Variants in MKX observed in about 807,000 individuals in gnomAD.
MKX encodes the protein homeobox protein Mohawk.
Under a neutral mutation model 36.0 loss-of-function variants are expected in MKX, and 13 were observed. The observed-to-expected ratio is 0.36, with a 90% confidence interval of 0.24 to 0.57. MKX has a LOEUF of 0.57. Ranked by LOEUF, MKX falls within the 20% of genes least tolerant of loss-of-function variation. The pLI is 0.79. For missense variants in MKX, 458 were observed against 456.4 expected, an observed-to-expected ratio of 1.00 and a Z score of -0.03; for synonymous variants, 176 against 178.3, an observed-to-expected ratio of 0.99 and a Z score of 0.10.
intron 5 of MKX, among the ~76,000 whole-genome samples, chr10:27,676,634 C>T (rs1164840489): frequency 2.0e-5 from 3 of 152,130 alleles, no homozygotes; most frequent in Non-Finnish European, 1.5e-5. Flanking sequence ...CCTCAGCCTC[C>T]TAAAGTGCTG....
Position 27,741,322 on chromosome 10 carries a change from G to C in MKX, c.348+23C>G, listed in dbSNP as rs769854808. 1 of 1,609,282 alleles carries C rather than the reference G, an allele frequency of 6.2e-7. No homozygotes were observed. Among genetic ancestry groups the C allele is most frequent in the Non-Finnish European group, 8.5e-7 (1 of 1,178,292 alleles). ...CAGCCCCTCGCGGGAAAACGGATCA[G>C]GGTGTTAATGGGTCCTGATTACCTG... On this transcript the variant is annotated intron_variant, in intron 3 of 6. Transcript: ENST00000419761. The surrounding 1 kb of genome is among the most constrained non-coding windows in gnomAD (Gnocchi z 5.1).
chr10:27,732,556 T>C (rs1476346005), intron 5 of MKX, among the ~76,000 whole-genome samples: 1 of 152,182 alleles, frequency 6.6e-6, no homozygotes, highest in Non-Finnish European at 1.5e-5. Context: ...GTTTAATTTA[T>C]TATTGTTTTA....
intron 5 of MKX, among the ~76,000 whole-genome samples, chr10:27,693,012 G>C (rs1836482941): frequency 6.6e-6 from 1 of 152,206 alleles, no homozygotes; most frequent in African/African-American, 2.4e-5. Context: ...GGAGGATAGA[G>C]AGGATCCTAT....
chr10:27,681,727 C>G (rs1836258564), intron 5 of MKX, among the ~76,000 whole-genome samples: 1 of 152,024 alleles, frequency 6.6e-6, no homozygotes, highest in African/African-American at 2.4e-5. Flanking sequence ...CGAAACCAAT[C>G]TGGCCAACAT....
Position 27,702,881 on chromosome 10 carries a change from A to G in MKX, c.839-27327T>C, listed in dbSNP as rs180983416. On this transcript the variant is annotated intron_variant, in intron 5 of 6. Coordinates refer to ENST00000419761, the MANE Select transcript of MKX (RefSeq NM_173576.3). ...TTTCCCAGAACTGAAACACCACAAAATAACAACATGCCAGTGCACTCACTT... is the reference window on the plus strand; with the variant it reads ...TTTCCCAGAACTGAAACACCACAAAGTAACAACATGCCAGTGCACTCACTT... Among the ~76,000 whole-genome samples the G allele has an allele frequency of 1.3e-3, 191 of 152,326 alleles. 3 individuals are homozygous for G. The highest frequency in any genetic ancestry group is 1.5e-4 in the Non-Finnish European group (10 of 68,028).
At chr10:27,698,104 G>C (rs1006529022) in intron 5 of MKX, among the ~76,000 whole-genome samples, 4 of 152,208 alleles carry the variant, frequency 2.6e-5, no homozygotes, top group African/African-American at 9.7e-5. Flanking sequence ...CTGTATGAAA[G>C]TGCAATGTCT....
intron 1 of MKX, among the ~76,000 whole-genome samples, chr10:27,743,802 G>A (rs1056306698): frequency 2.6e-5 from 4 of 152,112 alleles, no homozygotes; most frequent in Admixed American, 6.5e-5. Context: ...ATTCCCAAAC[G>A]AGCCTCTGGG....
In MKX at chr10:27,722,296, A is replaced by G. The variant is rs1302323013; in HGVS notation, c.838+12160T>C. Among the ~76,000 whole-genome samples the G allele has an allele frequency of 5.3e-5, 8 of 152,098 alleles. No individual in the cohort carries two copies. In the East Asian group the frequency reaches 9.6e-4, roughly 18 times the overall value. On this transcript the variant is annotated intron_variant, in intron 5 of 6. Coordinates refer to ENST00000419761, the MANE Select transcript of MKX (RefSeq NM_173576.3). The stretch of plus-strand genomic sequence containing the variant: ...AGGTTTACTGGTGCCATGCTCCCCA[A>G]TGCTCCTTTGCAATGTCCCTGTCTT...
At chr10:27,695,013 G>T (rs1353095754) in intron 5 of MKX, among the ~76,000 whole-genome samples, 1 of 151,774 alleles carries the variant, frequency 6.6e-6, no homozygotes, top group Non-Finnish European at 1.5e-5. Context: ...AAGAGTAATT[G>T]TTATAGCCCA....
chr10:27,724,923 C>T (rs1223997393), intron 5 of MKX, among the ~76,000 whole-genome samples: 2 of 152,048 alleles, frequency 1.3e-5, no homozygotes, highest in African/African-American at 2.4e-5. Context: ...ATAATATCAA[C>T]TTGTGTAAAA....
chr10:27,715,386 A>G (rs912443025), intron 5 of MKX, among the ~76,000 whole-genome samples: 1 of 152,204 alleles, frequency 6.6e-6, no homozygotes, highest in African/African-American at 2.4e-5. Context: ...GGGAGAAAGG[A>G]TCTGAAGTAA....
At chr10:27,709,253 TA>T (rs796719264) in intron 5 of MKX, among the ~76,000 whole-genome samples, 1 of 152,130 alleles carries the variant, frequency 6.6e-6, no homozygotes, top group South Asian at 2.1e-4. Context: ...AAATACAAAT[TA>T]AAAATAGCAA....
chr10:27,743,661 C>T (rs924958966), intron 1 of MKX, 164 bp from the exon 2 acceptor site: 28 of 495,034 alleles, frequency 5.7e-5, no homozygotes, highest in Middle Eastern at 5.0e-4. Flanking sequence ...GTTGGCTACA[C>T]GCCCCCGCCC....
intron 5 of MKX, among the ~76,000 whole-genome samples, chr10:27,681,685 C>A (rs1836257547): frequency 6.6e-6 from 1 of 152,000 alleles, no homozygotes; most frequent in South Asian, 2.1e-4. Flanking sequence ...CTTTGGGAGG[C>A]CGAGGTGGGG....
intron 1 of MKX, 40 bp from the exon 2 acceptor site, chr10:27,743,537 A>G: frequency 1.8e-6 from 2 of 1,100,928 alleles, no homozygotes; most frequent in Non-Finnish European, 2.5e-6. Flanking sequence ...ACTGGCTGAG[A>G]GTGCTCAGAC....
At position 27,697,303 on chromosome 10, in the gene MKX, T is replaced by A. The variant is rs1230644484; in HGVS notation, c.839-21749A>T. On this transcript the variant is annotated intron_variant, in intron 5 of 6. Coordinates refer to ENST00000419761, the MANE Select transcript of MKX (RefSeq NM_173576.3). ...GAGAACAAAATTATCTTTTTGTGAG[T>A]GTTGTATGGAAAACTATACTTTGCA... is the stretch of plus-strand genomic sequence containing the variant. Among the ~76,000 whole-genome samples the A allele has an allele frequency of 2.0e-5, 3 of 152,328 alleles. No homozygotes were observed. The East Asian group carries it at 5.8e-4, about 29-fold the overall frequency.
Position 27,743,425 on chromosome 10 carries a change from T to G in MKX, c.-10A>C. On this transcript the variant is annotated 5_prime_UTR_variant, in exon 2 of 7. Transcript: ENST00000419761. ...AGACGATGGTGTTCATGGTGTCGGTTGGTAGGGACGCGCGGCGCGGCCGCA... is the reference window on the plus strand; with the variant it reads ...AGACGATGGTGTTCATGGTGTCGGTGGGTAGGGACGCGCGGCGCGGCCGCA... 2.0e-6 allele frequency: 3 copies of G among 1,537,428 alleles called. No homozygotes were observed. The highest frequency in any genetic ancestry group is 2.6e-6 in the Non-Finnish European group (3 of 1,145,490).
chr10:27,738,010 A>G (rs1456031435), intron 3 of MKX, among the ~76,000 whole-genome samples: 2 of 152,104 alleles, frequency 1.3e-5, no homozygotes, highest in Non-Finnish European at 2.9e-5. Flanking sequence ...CTTTTCATGT[A>G]TAGGAGTCAT....
intron 5 of MKX, among the ~76,000 whole-genome samples, chr10:27,700,702 C>T (rs1474909964): frequency 1.3e-5 from 2 of 151,988 alleles, no homozygotes; most frequent in South Asian, 2.1e-4. Context: ...ATCAATAAAC[C>T]GATCAATCAA....
Sources: gnomAD v4.1 joint callset for allele counts (sites outside exome capture counted in the v4.1 genomes callset) on GRCh38, gnomAD v4.1.1 for gene constraint, Gnocchi (gnomAD v3.1) non-coding constraint, MANE v1.5 for transcripts, NCBI Gene and HGNC (gene_info 2026-07-23, HGNC 2026-07-21) for gene names.